COL4A4: variants seen among roughly 807,000 people sequenced by gnomAD.
The protein encoded by COL4A4 is collagen alpha-4(IV) chain.
Under a neutral mutation model 192.9 loss-of-function variants are expected in COL4A4, and 105 were observed. That is an observed-to-expected ratio of 0.54 (90% CI 0.46 to 0.64). The LOEUF is 0.64. COL4A4 is among the 30% of genes least tolerant of loss of function. The pLI is 0.00. For missense variants in COL4A4, 1,967 were observed against 2,169.3 expected, an observed-to-expected ratio of 0.91 and a Z score of 1.85; for synonymous variants, 762 against 769.9, an observed-to-expected ratio of 0.99 and a Z score of 0.17.
At chr2:226,979,548 CTCA>C in the COL4A4 span, among the ~76,000 whole-genome samples, 27 of 152,190 alleles carry the variant, frequency 1.8e-4, no homozygotes, top group African/African-American at 6.5e-4. Flanking sequence ...ACTTGGCTGG[CTCA>C]TCATATTCAA....
intron 1 of COL4A4, among the ~76,000 whole-genome samples, chr2:227,152,073 A>G (rs574812963): frequency 6.6e-6 from 1 of 152,334 alleles, no homozygotes; most frequent in South Asian, 2.1e-4. Context: ...GATGAAAACA[A>G]AAAGTTGGAA....
At chr2:227,079,716 C>G (rs958691657) in intron 24 of COL4A4, among the ~76,000 whole-genome samples, 1 of 152,222 alleles carries the variant, frequency 6.6e-6, no homozygotes, top group Non-Finnish European at 1.5e-5. Context: ...CCTTGAATAT[C>G]AGATGCTAAG....
At position 227,049,530 on chromosome 2, in the gene COL4A4, T is replaced by G. The variant is rs913243578; in HGVS notation, c.3214+538A>C. On this transcript the variant is annotated intron_variant, in intron 34 of 47. Transcript: ENST00000396625. ...TCTGGCCCTTTAGGAAAAAAATATTTTGCTATAGTAAAAAAATAATAATAA... is the reference window on the plus strand; with the variant it reads ...TCTGGCCCTTTAGGAAAAAAATATTGTGCTATAGTAAAAAAATAATAATAA... 2.6e-5 allele frequency among the ~76,000 whole-genome samples: 4 copies of G among 152,300 alleles called. No individual in the cohort carries two copies. The South Asian group carries it at 6.2e-4, about 24-fold the overall frequency.
At position 227,040,858 on chromosome 2, in the gene COL4A4, CA is replaced by C. The variant is rs531043931; in HGVS notation, c.3505+1289del. Among the ~76,000 whole-genome samples the C allele has an allele frequency of 4.1e-4, 62 of 151,896 alleles. No homozygotes were observed. The East Asian group carries it at 0.012, about 28-fold the overall frequency. ...GGATTACAGGTGTGAGCCACCCGGC[CA>C]AAAAAGTACTTTTTCTAAAGTGGAA... On this transcript the variant is annotated intron_variant, in intron 37 of 47. Coordinates refer to ENST00000396625, the MANE Select transcript of COL4A4 (RefSeq NM_000092.5).
At position 227,103,135 on chromosome 2, in the gene COL4A4, A is replaced by C; in HGVS notation, c.870+9T>G. ...AAATGAAAAAAAAAAAGGTACTTAA[A>C]TAAACTACCTTGCGTCCTGGTGGTC... On this transcript the variant is annotated intron_variant, in intron 14 of 47. Transcript: ENST00000396625. 1 of 1,604,826 alleles carries C rather than the reference A, an allele frequency of 6.2e-7. No homozygotes were observed. Among genetic ancestry groups the C allele is most frequent in the Non-Finnish European group, 8.5e-7 (1 of 1,175,972 alleles).
intron 9 of COL4A4, 77 bp from the exon 10 acceptor site, chr2:227,109,363 C>T (rs1320833981): frequency 8.4e-7 from 1 of 1,196,918 alleles, no homozygotes. Context: ...CGTGTGATCC[C>T]ATGTGGATAA....
chr2:227,055,540 C>T (rs1452908462), intron 30 of COL4A4, among the ~76,000 whole-genome samples: 1 of 151,878 alleles, frequency 6.6e-6, no homozygotes, highest in African/African-American at 2.4e-5. Context: ...AATAAAAATT[C>T]CATGCTCTGC....
At chr2:227,029,667 C>T (rs1237265922) in intron 41 of COL4A4, among the ~76,000 whole-genome samples, 1 of 152,162 alleles carries the variant, frequency 6.6e-6, no homozygotes, top group Non-Finnish European at 1.5e-5. Flanking sequence ...AAAATGGATA[C>T]TCATTAGTCA....
At chr2:226,975,515 CA>C in the COL4A4 span, among the ~76,000 whole-genome samples, 1 of 152,132 alleles carries the variant, frequency 6.6e-6, no homozygotes, top group African/African-American at 2.4e-5. Context: ...TCGGGCCACC[CA>C]GAAGCCAGGC....
At chr2:226,988,704 G>T in the COL4A4 span, 3 of 960,208 alleles carry the variant, frequency 3.1e-6, no homozygotes, top group Non-Finnish European at 3.7e-6. Flanking sequence ...TCATTTTACA[G>T]ACCTCATATA....
the COL4A4 span, among the ~76,000 whole-genome samples, chr2:226,987,405 C>G: frequency 1.3e-5 from 2 of 152,144 alleles, no homozygotes; most frequent in Non-Finnish European, 2.9e-5. Context: ...AGGACATTGC[C>G]AAGGAGCATA....
In COL4A4 at chr2:227,010,325, T is replaced by C. The variant is rs780234545; in HGVS notation, c.4510A>G (p.Asn1504Asp). The change falls in exon 46 of 48, where the codon AAT (asparagine) becomes GAT (aspartate). Residue 1504 changes from asparagine (N) to aspartate (D), a missense_variant. Coordinates refer to ENST00000396625, the MANE Select transcript of COL4A4 (RefSeq NM_000092.5). Reference sequence around the variant, plus strand: ...CCTGTATCCATACCAAGGTCTTGATTGTGAGCTTTCTCTTGCCCTTCCAGG... The same window carrying C: ...CCTGTATCCATACCAAGGTCTTGATCGTGAGCTTTCTCTTGCCCTTCCAGG... ...LYLEGQEKAH[N>D]QDLGLAGSCL... 1.1e-5 allele frequency: 18 copies of C among 1,614,234 alleles called. No individual in the cohort carries two copies. The Admixed American group carries it at 2.8e-4, about 25-fold the overall frequency.
At chr2:227,027,433 C>T (rs778201839) in intron 42 of COL4A4, among the ~76,000 whole-genome samples, 2 of 144,696 alleles carry the variant, frequency 1.4e-5, no homozygotes, top group South Asian at 2.1e-4. Flanking sequence ...ACAATGAGAA[C>T]ACTTGGACAC....
At position 227,108,567 on chromosome 2, in the gene COL4A4, G is replaced by C. The variant is rs1434949666; in HGVS notation, c.735+14C>G. Reference sequence around the variant, plus strand: ...CGTCACCATCTGCTCCTCAGAGCAAGAGGGAATTCTTACCGGGTCTCCCAT... The same window carrying C: ...CGTCACCATCTGCTCCTCAGAGCAACAGGGAATTCTTACCGGGTCTCCCAT... On this transcript the variant is annotated intron_variant, in intron 12 of 47. Coordinates refer to ENST00000396625, the MANE Select transcript of COL4A4 (RefSeq NM_000092.5). 6.2e-7 allele frequency: 1 copy of C among 1,613,228 alleles called. No homozygotes were observed. Among genetic ancestry groups the C allele is most frequent in the Non-Finnish European group, 8.5e-7 (1 of 1,179,192 alleles).
intron 12 of COL4A4, among the ~76,000 whole-genome samples, chr2:227,104,638 C>CT (rs373008018): frequency 0.45 from 49,820 of 110,322 alleles, 12,886 homozygotes; most frequent in Non-Finnish European, 0.56. Flanking sequence ...TCTATTAAAA[C>CT]TTTTTTTTTT....
At chr2:227,078,250 A>G (rs925334755) in intron 24 of COL4A4, among the ~76,000 whole-genome samples, 173 bp from the exon 25 acceptor site, 11 of 151,894 alleles carry the variant, frequency 7.2e-5, no homozygotes, top group African/African-American at 1.2e-4. Context: ...TATTTTAAAT[A>G]TATATATATA....
At chr2:227,102,894 C>T (rs747642640) in intron 14 of COL4A4, 46 bp from the exon 15 acceptor site, 1 of 200,968 alleles carries the variant, frequency 5.0e-6, no homozygotes, top group Admixed American at 8.5e-5. Context: ...AACAATATTT[C>T]AGCAATAGGG....
chr2:226,981,321 G>A, the COL4A4 span, among the ~76,000 whole-genome samples: 4 of 151,412 alleles, frequency 2.6e-5, no homozygotes, highest in Admixed American at 2.0e-4. Flanking sequence ...CCTATGTAAC[G>A]AGACCACACA....
At chr2:227,147,644 ACT>A (rs1453191481) in intron 1 of COL4A4, 60 bp from the exon 2 acceptor site, 17 of 643,098 alleles carry the variant, frequency 2.6e-5, no homozygotes, top group Non-Finnish European at 4.7e-5. Context: ...GAAAATAATT[ACT>A]TTCATTTTTT....
Sources: allele counts gnomAD v4.1 joint callset (sites outside exome capture counted in the v4.1 genomes callset), GRCh38; gene constraint gnomAD v4.1.1; transcripts MANE v1.5; gene names NCBI Gene and HGNC (gene_info 2026-07-23, HGNC 2026-07-21).